OR2L13: variants seen among roughly 807,000 people sequenced by gnomAD.
The protein encoded by OR2L13 is olfactory receptor family 2 subfamily L member 13.
In OR2L13, 14 loss-of-function variants were observed where a neutral mutation model predicts 15.3. The observed-to-expected ratio is 0.91, with a 90% CI of 0.60 to 1.43. OR2L13 has a LOEUF of 1.43. Ranked by LOEUF, OR2L13 falls within the 40% of genes most tolerant of loss-of-function variation. OR2L13 has a pLI of 0.00. For missense variants in OR2L13, 367 were observed against 387.9 expected, an observed-to-expected ratio of 0.95 and a Z score of 0.45; for synonymous variants, 152 against 142.9, an observed-to-expected ratio of 1.06 and a Z score of -0.45.
chr1:248,018,158 AAT>A, the OR2L13 span, among the ~76,000 whole-genome samples: 19 of 151,336 alleles, frequency 1.3e-4, no homozygotes, highest in African/African-American at 4.4e-4. Flanking sequence ...ATCTCAAAAA[AAT>A]AAAAAAAAAA....
At chr1:248,062,779 G>GCATT in the OR2L13 span, 1 of 152,158 alleles carries the variant, frequency 6.6e-6, no homozygotes, top group Non-Finnish European at 1.5e-5. Flanking sequence ...TTGAGGTGAT[G>GCATT]GTTACCCCGA....
At chr1:248,093,610 T>G (rs1380708334), upstream of OR2L13, among the ~76,000 whole-genome samples, 1 of 152,190 alleles carries the variant, frequency 6.6e-6, no homozygotes, top group Non-Finnish European at 1.5e-5. Context: ...CTTCATCGTA[T>G]TTGCATCCAG....
chr1:248,098,884 G>C (rs1664789075), intron 2 of OR2L13, 109 bp downstream of exon 2: 1 of 153,442 alleles, frequency 6.5e-6, no homozygotes, highest in South Asian at 2.0e-4. Context: ...AAGAGAAAAA[G>C]AGAGATTCTA....
At chr1:248,094,760 CT>C (rs1366175138), upstream of OR2L13, among the ~76,000 whole-genome samples, 1 of 152,180 alleles carries the variant, frequency 6.6e-6, no homozygotes, top group Non-Finnish European at 1.5e-5. Context: ...ATCATTCCCC[CT>C]GGAAACTCAC....
At chr1:247,976,919 C>T in the OR2L13 span, among the ~76,000 whole-genome samples, 8 of 152,334 alleles carry the variant, frequency 5.3e-5, no homozygotes, top group Middle Eastern at 6.8e-3. Context: ...TCACAAGTTT[C>T]TTTCACTGCG....
At chr1:247,948,964 T>TG in the OR2L13 span, 1 of 1,613,980 alleles carries the variant, frequency 6.2e-7, no homozygotes. Context: ...ATTTTCCTGA[T>TG]GGCTCTAATT....
the OR2L13 span, among the ~76,000 whole-genome samples, chr1:248,019,042 G>A: frequency 6.6e-6 from 1 of 152,034 alleles, no homozygotes; most frequent in Non-Finnish European, 1.5e-5. Flanking sequence ...TGATTTCTCT[G>A]TGGACGGACA....
chr1:247,966,137 C>T, the OR2L13 span: 209 of 1,614,060 alleles, frequency 1.3e-4, no homozygotes, highest in Non-Finnish European at 1.7e-4. Context: ...TTCTATGCAA[C>T]CACTCTCTTT....
At chr1:248,033,792 C>G in the OR2L13 span, among the ~76,000 whole-genome samples, 1 of 151,986 alleles carries the variant, frequency 6.6e-6, no homozygotes, top group Non-Finnish European at 1.5e-5. Context: ...CAATGTCATA[C>G]TGTTTTGATT....
the OR2L13 span, among the ~76,000 whole-genome samples, chr1:248,011,542 G>A: frequency 3.0e-4 from 45 of 152,106 alleles, no homozygotes; most frequent in Non-Finnish European, 4.3e-4. Context: ...CCTGAAATGT[G>A]TTTTCCAGCT....
the OR2L13 span, among the ~76,000 whole-genome samples, chr1:247,954,042 A>G: frequency 1.3e-5 from 2 of 152,078 alleles, no homozygotes; most frequent in African/African-American, 4.8e-5. Flanking sequence ...GAGGATTCCC[A>G]TGTACATGTG....
the OR2L13 span, among the ~76,000 whole-genome samples, chr1:247,980,258 C>A: frequency 6.6e-6 from 1 of 152,010 alleles, no homozygotes. Flanking sequence ...ATTTAATGGG[C>A]ATTTCCAGAA....
chr1:248,040,900 A>T, the OR2L13 span: 4 of 152,314 alleles, frequency 2.6e-5, no homozygotes, highest in African/African-American at 9.6e-5. Flanking sequence ...GGAGATACAA[A>T]TATGGATCTG....
At chr1:248,092,536 C>T (rs1664622317), upstream of OR2L13, among the ~76,000 whole-genome samples, 1 of 152,178 alleles carries the variant, frequency 6.6e-6, no homozygotes, top group Non-Finnish European at 1.5e-5. Context: ...GTGGACTACT[C>T]CATTCAACAA....
the OR2L13 span, among the ~76,000 whole-genome samples, chr1:248,015,718 GATTTCTTACAA>G: frequency 2.0e-4 from 31 of 152,204 alleles, no homozygotes; most frequent in East Asian, 4.8e-3. Context: ...AGTTCAATCT[GATTTCTTACAA>G]AACTTCCAGC....
chr1:248,003,292 C>G, the OR2L13 span: 1 of 1,578,912 alleles, frequency 6.3e-7, no homozygotes, highest in South Asian at 1.1e-5. Context: ...ACACTCATCT[C>G]CACACACCCA....
chr1:248,091,600 G>A (rs1664598167), upstream of OR2L13, among the ~76,000 whole-genome samples: 1 of 151,790 alleles, frequency 6.6e-6, no homozygotes, highest in African/African-American at 2.4e-5. Flanking sequence ...CTCGGTGTAC[G>A]GCATTATTTC....
At chr1:248,026,331 G>C in the OR2L13 span, among the ~76,000 whole-genome samples, 2 of 152,148 alleles carry the variant, frequency 1.3e-5, no homozygotes, top group Non-Finnish European at 2.9e-5. Flanking sequence ...TCCTGAGACA[G>C]CAAGACCAAC....
chr1:248,057,877 C>T, the OR2L13 span, among the ~76,000 whole-genome samples: 1 of 152,138 alleles, frequency 6.6e-6, no homozygotes, highest in East Asian at 1.9e-4. Context: ...TATTATTTAT[C>T]CTAAGTTTTC....
Sources: allele counts gnomAD v4.1 joint callset (sites outside exome capture counted in the v4.1 genomes callset), GRCh38; gene constraint gnomAD v4.1.1; transcripts MANE v1.5; gene names NCBI Gene and HGNC (gene_info 2026-07-23, HGNC 2026-07-21).